The following ZFHX3 variants were observed in gnomAD, a reference collection of about 807,000 sequenced individuals.
The protein encoded by ZFHX3 is zinc finger homeobox 3.
A neutral mutation model predicts 279.1 loss-of-function variants in ZFHX3; 42 were observed. The ratio of observed to expected loss-of-function variants is 0.15; its 90% CI spans 0.12 to 0.19. ZFHX3 has a LOEUF of 0.19. ZFHX3 is among the 10% of genes least tolerant of loss of function. The pLI, the probability that ZFHX3 is intolerant of heterozygous loss-of-function variation, is 1.00. For missense variants in ZFHX3, 4,981 were observed against 4,754.0 expected, an observed-to-expected ratio of 1.05 and a Z score of -1.40; for synonymous variants, 2,293 against 1,957.8, an observed-to-expected ratio of 1.17 and a Z score of -4.52.
intron 1 of ZFHX3, among the ~76,000 whole-genome samples, chr16:73,022,489 C>A (rs923962092): frequency 6.6e-6 from 1 of 152,120 alleles, no homozygotes; most frequent in Non-Finnish European, 1.5e-5. Context: ...GGTGGCTGTC[C>A]TGGGCATCGC....
In ZFHX3 at chr16:73,156,101, G is replaced by A. The variant is rs941576385; in HGVS notation, c.-1103-12270C>T. Among the ~76,000 whole-genome samples, 7 of 150,222 alleles carry A rather than the reference G, an allele frequency of 4.7e-5. No homozygotes were observed. The East Asian group carries it at 6.0e-4, about 13-fold the overall frequency. ...CAAAAAATTAGCCGGGTGTGGTGGC[G>A]GATGCCTGTAGTCCCAGCTACTTGG... On this transcript the variant is annotated intron_variant, in intron 5 of 17. Transcript: ENST00000641206.
At chr16:73,347,593 G>C (rs993493069) in intron 3 of ZFHX3, among the ~76,000 whole-genome samples, 10 of 152,256 alleles carry the variant, frequency 6.6e-5, no homozygotes, top group African/African-American at 2.4e-4. Flanking sequence ...GCTGAGGCTT[G>C]ACTTGGAGCT....
rs1966846399 is a variant in ZFHX3 at position 73,140,951 on chromosome 16, A to G, written c.-1024+2801T>C. The stretch of plus-strand genomic sequence containing the variant: ...TTTGGAGGATCAAGTGATGGAAGAG[A>G]TAAGAAGCCCCTCTCTTTGACTTCT... On this transcript the variant is annotated intron_variant, in intron 6 of 17. Transcript: ENST00000641206. 2.0e-5 allele frequency among the ~76,000 whole-genome samples: 3 copies of G among 152,272 alleles called. No homozygotes were observed. The South Asian group carries it at 6.2e-4, about 32-fold the overall frequency.
At chr16:73,597,226 C>T (rs898349521) in intron 2 of ZFHX3, among the ~76,000 whole-genome samples, 3 of 152,174 alleles carry the variant, frequency 2.0e-5, no homozygotes, top group Non-Finnish European at 2.9e-5. Context: ...CACGTCAACT[C>T]TTCCATGACG....
chr16:73,841,139 A>G (rs1232050347), intron 1 of ZFHX3, among the ~76,000 whole-genome samples: 1 of 151,874 alleles, frequency 6.6e-6, no homozygotes, highest in Non-Finnish European at 1.5e-5. Context: ...ATCAGCAAAG[A>G]CTCTAGCAGA....
chr16:73,552,024 T>G (rs1431884205), intron 2 of ZFHX3, among the ~76,000 whole-genome samples: 1 of 152,122 alleles, frequency 6.6e-6, no homozygotes, highest in Non-Finnish European at 1.5e-5. Flanking sequence ...AGTGAGTGTG[T>G]GTGTGTGAGA....
At chr16:72,938,366 GTAAT>G (rs1960231018) in intron 3 of ZFHX3, among the ~76,000 whole-genome samples, 1 of 152,280 alleles carries the variant, frequency 6.6e-6, no homozygotes. Flanking sequence ...AATTAGCTGT[GTAAT>G]TAGTCTCCCC....
chr16:72,993,938 G>T (rs780675398), intron 1 of ZFHX3, among the ~76,000 whole-genome samples: 19 of 152,234 alleles, frequency 1.2e-4, no homozygotes, highest in South Asian at 6.2e-4. Flanking sequence ...GGTAGCAGCA[G>T]CCGAGTGCAC....
chr16:73,374,777 G>A (rs2016693607), intron 3 of ZFHX3, among the ~76,000 whole-genome samples: 1 of 152,174 alleles, frequency 6.6e-6, no homozygotes, highest in African/African-American at 2.4e-5. Context: ...TAGTGCTATA[G>A]AGTTTCACAC....
At chr16:73,179,726 C>T (rs8061776) in intron 5 of ZFHX3, among the ~76,000 whole-genome samples, 25,358 of 152,052 alleles carry the variant, frequency 0.17, 2,263 homozygotes, top group African/African-American at 0.21. Context: ...GTCCTTTATA[C>T]GCATCTTGGA....
chr16:73,814,521 T>C (rs1383521785), intron 1 of ZFHX3, among the ~76,000 whole-genome samples: 1 of 152,166 alleles, frequency 6.6e-6, no homozygotes, highest in Admixed American at 6.5e-5. Context: ...AAATACGTGA[T>C]AGTTGTTTAA....
rs369843485 is a variant in ZFHX3, at chr16:73,399,948, C to T, written c.-1291+56055G>A. Among the ~76,000 whole-genome samples, 6 of 151,856 alleles carry T rather than the reference C, an allele frequency of 4.0e-5. No individual in the cohort carries two copies. In the East Asian group the frequency reaches 1.2e-3, roughly 29 times the overall value. On this transcript the variant is annotated intron_variant, in intron 3 of 17. Coordinates refer to the ZFHX3 transcript ENST00000641206. ...GCATTACTGCCTGTGCAAAGCTAAG[C>T]CTGCATGCACAGTAACAGACGTACT... is the stretch of plus-strand genomic sequence containing the variant.
chr16:73,006,387 C>T (rs1319542549), intron 1 of ZFHX3, among the ~76,000 whole-genome samples: 1 of 152,052 alleles, frequency 6.6e-6, no homozygotes, highest in Non-Finnish European at 1.5e-5. Flanking sequence ...TTTTGGGAGG[C>T]CAACGCAGGA....
intron 3 of ZFHX3, among the ~76,000 whole-genome samples, chr16:73,436,374 ACAAT>A (rs2017998279): frequency 6.6e-6 from 1 of 152,146 alleles, no homozygotes; most frequent in Non-Finnish European, 1.5e-5. Flanking sequence ...GGGAGGCCTC[ACAAT>A]CATGGTGGAA....
intron 3 of ZFHX3, among the ~76,000 whole-genome samples, chr16:73,346,641 T>G (rs1358032656): frequency 6.6e-6 from 1 of 152,108 alleles, no homozygotes. Flanking sequence ...CTGGCTAATT[T>G]TTGTATTTTT....
intron 1 of ZFHX3, among the ~76,000 whole-genome samples, chr16:73,810,382 G>A (rs56706420): frequency 1.7e-4 from 26 of 152,146 alleles, no homozygotes; most frequent in African/African-American, 2.9e-4. Context: ...ACAAATAAAG[G>A]TTCTTTAAAA....
At position 73,481,648 on chromosome 16, in the gene ZFHX3, T is replaced by TTTTG. The variant is rs150415013; in HGVS notation, c.-1546-25394_-1546-25391dup. Among the ~76,000 whole-genome samples, 17 of 146,086 alleles carry TTTTG rather than the reference T, an allele frequency of 1.2e-4. No individual in the cohort carries two copies. In the South Asian group the frequency reaches 1.5e-3, roughly 13 times the overall value. ...TGTTGTTGTTTGTTTGTTTGTTTGTTTTTGTTTGTTTGTTTGTTTGTTTTT... is the reference window on the plus strand; with the variant it reads ...TGTTGTTGTTTGTTTGTTTGTTTGTTTTTGTTTGTTTGTTTGTTTGTTTGTTTTT... On this transcript the variant is annotated intron_variant, in intron 2 of 17. Transcript: ENST00000641206.
intron 1 of ZFHX3, among the ~76,000 whole-genome samples, chr16:73,010,025 A>G (rs1381037294): frequency 3.3e-5 from 3 of 91,944 alleles, no homozygotes; most frequent in East Asian, 1.2e-3. Flanking sequence ...CCTCTCAAAG[A>G]AAAAAAAAAA....
At chr16:73,267,096 G>T (rs764438300) in intron 4 of ZFHX3, among the ~76,000 whole-genome samples, 1 of 152,160 alleles carries the variant, frequency 6.6e-6, no homozygotes, top group Non-Finnish European at 1.5e-5. Context: ...TTACACTTTC[G>T]TGACAGCCTC....
Sources: allele counts gnomAD v4.1 joint callset (sites outside exome capture counted in the v4.1 genomes callset), GRCh38; gene constraint gnomAD v4.1.1; transcripts MANE v1.5; gene names NCBI Gene and HGNC (gene_info 2026-07-23, HGNC 2026-07-21).